XPA: variants seen among roughly 807,000 people sequenced by gnomAD.
The protein encoded by XPA is XPA, DNA damage recognition and repair factor.
Under a neutral mutation model 35.7 loss-of-function variants are expected in XPA, and 27 were observed. That is an observed-to-expected ratio of 0.76 (90% CI 0.56 to 1.04). The LOEUF is 1.04. XPA is among the 50% of genes least tolerant of loss of function. The pLI is 0.00. For missense variants in XPA, 354 were observed against 342.7 expected, an observed-to-expected ratio of 1.03 and a Z score of -0.26; for synonymous variants, 133 against 118.4, an observed-to-expected ratio of 1.12 and a Z score of -0.80.
At chr9:97,655,831 A>G in the XPA span, 1 of 1,456,122 alleles carries the variant, frequency 6.9e-7, no homozygotes, top group Non-Finnish European at 9.4e-7. Context: ...ACTGTAACAT[A>G]AAAGTGTCTG....
chr9:97,670,171 T>C, downstream of XPA: 7 of 230,200 alleles, frequency 3.0e-5, no homozygotes, highest in Non-Finnish European at 6.2e-5. Flanking sequence ...GGCCTCCGCC[T>C]CCCAAAGTGC....
the XPA span, chr9:97,658,701 G>A: frequency 8.1e-6 from 13 of 1,613,252 alleles, no homozygotes; most frequent in Admixed American, 1.7e-5. Flanking sequence ...TCTGTGTCCT[G>A]CAAACCCAAC....
At chr9:97,663,264 T>G in the XPA span, among the ~76,000 whole-genome samples, 7 of 152,212 alleles carry the variant, frequency 4.6e-5, no homozygotes, top group South Asian at 4.1e-4. Context: ...CTATAATATC[T>G]CAATATGTTT....
At chr9:97,689,416 C>G (rs898832601) in intron 3 of XPA, 118 bp downstream of exon 3, 5 of 723,374 alleles carry the variant, frequency 6.9e-6, no homozygotes, top group Non-Finnish European at 9.6e-6. Context: ...TTTTAGGAAA[C>G]ACCCAAAATG....
chr9:97,671,162 T>C, downstream of XPA: 1 of 1,613,610 alleles, frequency 6.2e-7, no homozygotes, highest in Non-Finnish European at 8.5e-7. Context: ...CCTCATATCT[T>C]GGCCGTGTTC....
At chr9:97,671,155 C>T, downstream of XPA, 1 of 1,613,764 alleles carries the variant, frequency 6.2e-7, no homozygotes. Flanking sequence ...ATTAGACCCT[C>T]ATATCTTGGC....
downstream of XPA, chr9:97,669,911 C>G (rs1828129729): frequency 3.2e-6 from 2 of 624,656 alleles, no homozygotes; most frequent in East Asian, 5.9e-5. Context: ...TTGCCACCCC[C>G]CCAACAACCC....
intron 5 of XPA, among the ~76,000 whole-genome samples, 153 bp downstream of exon 5, chr9:97,684,770 C>T (rs1423013284): frequency 1.3e-5 from 2 of 152,098 alleles, no homozygotes; most frequent in Non-Finnish European, 2.9e-5. Context: ...CCTTGAAGAC[C>T]AACATACTGA....
At chr9:97,663,819 G>A in the XPA span, among the ~76,000 whole-genome samples, 4 of 151,980 alleles carry the variant, frequency 2.6e-5, no homozygotes, top group Non-Finnish European at 4.4e-5. Flanking sequence ...ACCATTCAGA[G>A]TTTTTGTTTA....
At chr9:97,654,625 A>T in the XPA span, among the ~76,000 whole-genome samples, 6 of 151,984 alleles carry the variant, frequency 3.9e-5, no homozygotes, top group African/African-American at 1.4e-4. Flanking sequence ...GCCTGTGCGT[A>T]TGGAGGGGCA....
the XPA span, among the ~76,000 whole-genome samples, chr9:97,667,655 G>T: frequency 6.6e-6 from 1 of 152,206 alleles, no homozygotes; most frequent in Non-Finnish European, 1.5e-5. Context: ...ACACAGGTCT[G>T]TCAGACTCCA....
intron 5 of XPA, among the ~76,000 whole-genome samples, chr9:97,679,288 A>G (rs1389936841): frequency 6.6e-6 from 1 of 152,230 alleles, no homozygotes; most frequent in Non-Finnish European, 1.5e-5. Flanking sequence ...AGAGCATGCA[A>G]ATGATGATGC....
At chr9:97,661,152 T>A in the XPA span, 2 of 1,541,328 alleles carry the variant, frequency 1.3e-6, no homozygotes, top group Non-Finnish European at 1.8e-6. Flanking sequence ...CATGATGCTC[T>A]TAAAGCAATA....
At chr9:97,660,863 A>T in the XPA span, 70 of 1,465,668 alleles carry the variant, frequency 4.8e-5, no homozygotes, top group Middle Eastern at 1.8e-4. Flanking sequence ...TTTAAAAAAA[A>T]TTTTTCTCAG....
chr9:97,692,431 A>G (rs1828922329), intron 2 of XPA, among the ~76,000 whole-genome samples: 1 of 152,346 alleles, frequency 6.6e-6, no homozygotes, highest in Non-Finnish European at 1.5e-5. Flanking sequence ...AAACAAAAAA[A>G]TCATGCTTTT....
chr9:97,678,344 T>C (rs997223235), intron 5 of XPA, among the ~76,000 whole-genome samples: 1 of 152,138 alleles, frequency 6.6e-6, no homozygotes, highest in Non-Finnish European at 1.5e-5. Flanking sequence ...AAGGTTGCAG[T>C]GAGCTGAGGT....
At chr9:97,686,669 G>A (rs1828725214) in intron 4 of XPA, among the ~76,000 whole-genome samples, 1 of 152,076 alleles carries the variant, frequency 6.6e-6, no homozygotes, top group African/African-American at 2.4e-5. Context: ...GCTCATGCCT[G>A]TAATCCCAGC....
At chr9:97,665,542 ACT>A in the XPA span, among the ~76,000 whole-genome samples, 2 of 152,142 alleles carry the variant, frequency 1.3e-5, no homozygotes, top group South Asian at 2.1e-4. Context: ...AATATTTGTA[ACT>A]CTGCAAACCT....
At chr9:97,681,507 T>C (rs545686725) in intron 5 of XPA, among the ~76,000 whole-genome samples, 6 of 152,200 alleles carry the variant, frequency 3.9e-5, no homozygotes, top group Non-Finnish European at 8.8e-5. Context: ...CTACCTCTTT[T>C]GGGAGGAAAG....
Sources: allele counts gnomAD v4.1 joint callset (sites outside exome capture counted in the v4.1 genomes callset), GRCh38; gene constraint gnomAD v4.1.1; transcripts MANE v1.5; gene names NCBI Gene and HGNC (gene_info 2026-07-23, HGNC 2026-07-21).